ZPLD1: variants seen among roughly 807,000 people sequenced by gnomAD.
ZPLD1 encodes zona pellucida-like domain-containing protein 1.
Under a neutral mutation model 47.2 loss-of-function variants are expected in ZPLD1, and 34 were observed. That is an observed-to-expected ratio of 0.72 (90% CI 0.55 to 0.96). The LOEUF is 0.96. Ranked by LOEUF, ZPLD1 falls within the 40% of genes least tolerant of loss-of-function variation. The pLI is 0.00. For missense variants in ZPLD1, 512 were observed against 505.8 expected (o/e 1.01, Z -0.12); for synonymous variants, 176 against 186.2 (o/e 0.95, Z 0.45).
intron 10 of ZPLD1, 70 bp downstream of exon 10, chr3:102,470,572 G>T: frequency 7.8e-7 from 1 of 1,286,128 alleles, no homozygotes; most frequent in Non-Finnish European, 1.1e-6. Context: ...GGCTTCTAAC[G>T]AGAACTCAAA....
intron 4 of ZPLD1, among the ~76,000 whole-genome samples, chr3:102,455,215 G>T (rs1707394683): frequency 6.6e-6 from 1 of 152,194 alleles, no homozygotes; most frequent in South Asian, 2.1e-4. Context: ...TAGTAATATA[G>T]TAGTATCTGC....
At chr3:102,476,059 TG>T (rs1309630255) in intron 10 of ZPLD1, among the ~76,000 whole-genome samples, 3 of 152,176 alleles carry the variant, frequency 2.0e-5, no homozygotes, top group African/African-American at 7.2e-5. Flanking sequence ...TTTCTTTATC[TG>T]TAAAATGGGG....
At chr3:102,475,109 A>G (rs1192018527) in intron 10 of ZPLD1, among the ~76,000 whole-genome samples, 1 of 151,940 alleles carries the variant, frequency 6.6e-6, no homozygotes, top group East Asian at 1.9e-4. Context: ...GTATTCAAAT[A>G]TCACAGGTTT....
At chr3:102,459,411 A>C (rs1352426503) in intron 6 of ZPLD1, among the ~76,000 whole-genome samples, 1 of 152,128 alleles carries the variant, frequency 6.6e-6, no homozygotes, top group African/African-American at 2.4e-5. Flanking sequence ...TTTTCTGTGA[A>C]ATTAAACTAT....
At chr3:102,467,846 C>T (rs918164513) in intron 8 of ZPLD1, among the ~76,000 whole-genome samples, 4 of 150,830 alleles carry the variant, frequency 2.7e-5, no homozygotes, top group African/African-American at 9.8e-5. Flanking sequence ...TACACACACA[C>T]ACACACACAC....
rs79407786 is a variant in ZPLD1 at position 102,423,522 on chromosome 3, C to A, written c.-9+5315C>A. Reference sequence around the variant, plus strand: ...CTATAAACACAGAATATTAATCTTACAATTTTATTTTGGCTCCATAATGAT... The same window carrying A: ...CTATAAACACAGAATATTAATCTTAAAATTTTATTTTGGCTCCATAATGAT... On this transcript the variant is annotated intron_variant, in intron 8 of 17. Coordinates refer to the ZPLD1 transcript ENST00000491959. Among the ~76,000 whole-genome samples the A allele has an allele frequency of 3.3e-3, 501 of 152,136 alleles. 15 individuals are homozygous for A. In the East Asian group the frequency reaches 0.079, roughly 24 times the overall value.
chr3:102,389,937 G>C (rs568992009), intron 6 of ZPLD1, among the ~76,000 whole-genome samples: 1 of 152,230 alleles, frequency 6.6e-6, no homozygotes, highest in South Asian at 2.1e-4. Context: ...ATGTGATGGT[G>C]GTAGGGTTGA....
At chr3:102,390,464 C>T (rs1559737668) in intron 6 of ZPLD1, among the ~76,000 whole-genome samples, 2 of 152,132 alleles carry the variant, frequency 1.3e-5, no homozygotes, top group Non-Finnish European at 2.9e-5. Context: ...AAAACATATC[C>T]TAAAATATTT....
At chr3:102,472,301 G>T (rs1053079407) in intron 10 of ZPLD1, among the ~76,000 whole-genome samples, 23 of 152,170 alleles carry the variant, frequency 1.5e-4, no homozygotes, top group African/African-American at 5.1e-4. Flanking sequence ...GGAGGCTGAG[G>T]GGGGTGGATA....
At chr3:102,398,873 C>T (rs1009271213) in intron 7 of ZPLD1, among the ~76,000 whole-genome samples, 4 of 144,800 alleles carry the variant, frequency 2.8e-5, no homozygotes, top group Non-Finnish European at 3.0e-5. Flanking sequence ...TTTATGCGTG[C>T]GCACGCACAC....
intron 2 of ZPLD1, among the ~76,000 whole-genome samples, chr3:102,437,768 A>G (rs1435705985): frequency 6.6e-6 from 1 of 152,200 alleles, no homozygotes; most frequent in Admixed American, 6.5e-5. Context: ...AAAATCTTCC[A>G]TTACTTTATC....
chr3:102,466,741 A>G (rs1426988066), intron 8 of ZPLD1, among the ~76,000 whole-genome samples: 3 of 152,060 alleles, frequency 2.0e-5, no homozygotes, highest in Admixed American at 6.6e-5. Context: ...GGGACATGAA[A>G]GATAAGTATA....
At chr3:102,429,131 G>A (rs1706985748) in intron 8 of ZPLD1, among the ~76,000 whole-genome samples, 1 of 152,056 alleles carries the variant, frequency 6.6e-6, no homozygotes, top group Non-Finnish European at 1.5e-5. Flanking sequence ...GTCTATGTAA[G>A]GGCTTAATAA....
chr3:102,431,514 C>A (rs890289546), upstream of ZPLD1, among the ~76,000 whole-genome samples: 1 of 152,040 alleles, frequency 6.6e-6, no homozygotes, highest in Non-Finnish European at 1.5e-5. Flanking sequence ...CTCTAATGTG[C>A]AAGTGCAAGA....
intron 6 of ZPLD1, among the ~76,000 whole-genome samples, chr3:102,459,055 A>C (rs1037601538): frequency 7.6e-6 from 1 of 131,990 alleles, no homozygotes; most frequent in African/African-American, 3.0e-5. Flanking sequence ...GCACCACTGC[A>C]CTCCAGCCTG....
At chr3:102,428,233 A>G (rs979870573) in intron 8 of ZPLD1, among the ~76,000 whole-genome samples, 2 of 152,308 alleles carry the variant, frequency 1.3e-5, no homozygotes, top group Middle Eastern at 3.4e-3. Context: ...TAGTTCCTAT[A>G]TAACTCAGTG....
intron 3 of ZPLD1, among the ~76,000 whole-genome samples, chr3:102,443,102 T>C (rs951856452): frequency 6.6e-6 from 1 of 152,162 alleles, no homozygotes; most frequent in African/African-American, 2.4e-5. Flanking sequence ...GGCTAAACTT[T>C]CTGGCCTCTA....
chr3:102,418,410 A>G (rs1706835588), intron 8 of ZPLD1, among the ~76,000 whole-genome samples: 1 of 152,032 alleles, frequency 6.6e-6, no homozygotes, highest in Non-Finnish European at 1.5e-5. Flanking sequence ...AAAGGAGGTT[A>G]AAAACATCTT....
At chr3:102,412,081 T>C (rs1279596012) in intron 7 of ZPLD1, among the ~76,000 whole-genome samples, 2 of 151,708 alleles carry the variant, frequency 1.3e-5, no homozygotes, top group African/African-American at 4.8e-5. Context: ...TGCTTCTTTC[T>C]TGGGAAACCT....
Sources: allele counts gnomAD v4.1 joint callset (sites outside exome capture counted in the v4.1 genomes callset), GRCh38; gene constraint gnomAD v4.1.1; transcripts MANE v1.5; gene names NCBI Gene and HGNC (gene_info 2026-07-23, HGNC 2026-07-21).